Variants in ZNF516 observed in about 807,000 individuals in gnomAD.
ZNF516 encodes zinc finger protein 516.
In ZNF516, 19 loss-of-function variants were observed where a neutral mutation model predicts 79.7. The observed-to-expected ratio is 0.24, with a 90% CI of 0.17 to 0.35. The LOEUF (loss-of-function observed/expected upper bound fraction) is 0.35. Among genes scored for constraint, ZNF516 ranks in the 10% least tolerant of loss-of-function variants. The pLI, the probability that ZNF516 is intolerant of heterozygous loss-of-function variation, is 1.00. For missense variants in ZNF516, 1,678 were observed against 1,679.5 expected (o/e 1.00, Z 0.02); for synonymous variants, 877 against 739.5 (o/e 1.19, Z -3.02).
chr18:76,451,314 G>A lies in ZNF516; in HGVS notation c.-157-8103C>T, dbSNP rs945013253. On this transcript the variant is annotated intron_variant, in intron 2 of 6. Coordinates refer to ENST00000443185, the MANE Select transcript of ZNF516 (RefSeq NM_014643.4). This position sits in a 1 kb window ranked among gnomAD's most constrained non-coding sequence, Gnocchi z 6.0. ...CTCTCTGACCACCTTCCGGGGGCGG[G>A]GGGGGCACCGATGTCAGCCCGGGAT... is the stretch of plus-strand genomic sequence containing the variant. Among the ~76,000 whole-genome samples, 1 of 152,216 alleles carries A rather than the reference G, an allele frequency of 6.6e-6. No homozygotes were observed. Among genetic ancestry groups the A allele is most frequent in the Non-Finnish European group, 1.5e-5 (1 of 68,030 alleles).
chr18:76,427,661 C>A (rs1290176373), intron 3 of ZNF516, among the ~76,000 whole-genome samples: 28 of 152,080 alleles, frequency 1.8e-4, no homozygotes, highest in Admixed American at 1.8e-3. Flanking sequence ...AGAACCTCTA[C>A]AATAAAAGAC....
At chr18:76,363,124 G>A (rs562538743) in intron 6 of ZNF516, among the ~76,000 whole-genome samples, 3 of 152,180 alleles carry the variant, frequency 2.0e-5, no homozygotes, top group Admixed American at 6.5e-5. Context: ...AGTGAACTGC[G>A]AGAGAAAACC....
chr18:76,423,162 T>C (rs1294045309), intron 3 of ZNF516, among the ~76,000 whole-genome samples: 1 of 152,144 alleles, frequency 6.6e-6, no homozygotes, highest in Non-Finnish European at 1.5e-5. Flanking sequence ...TTACACGCAT[T>C]CTTTACAAGG....
intron 2 of ZNF516, among the ~76,000 whole-genome samples, chr18:76,461,362 T>C (rs1364208533): frequency 6.6e-6 from 1 of 152,142 alleles, no homozygotes; most frequent in South Asian, 2.1e-4. Flanking sequence ...GAAAAACATG[T>C]TGGCTTCCTC....
intron 2 of ZNF516, among the ~76,000 whole-genome samples, chr18:76,454,638 A>C (rs1471109181): frequency 6.6e-6 from 1 of 152,222 alleles, no homozygotes; most frequent in African/African-American, 2.4e-5. Flanking sequence ...TTCCTGACAA[A>C]AACATGATGT....
At chr18:76,489,754 CAAAGTT>C (rs1915052321) in intron 1 of ZNF516, among the ~76,000 whole-genome samples, 1 of 152,032 alleles carries the variant, frequency 6.6e-6, no homozygotes, top group South Asian at 2.1e-4. Context: ...ACACATTTCT[CAAAGTT>C]AAAGTTCTTG....
intron 2 of ZNF516, among the ~76,000 whole-genome samples, chr18:76,447,401 G>C (rs1375591092): frequency 6.6e-6 from 1 of 152,238 alleles, no homozygotes; most frequent in Admixed American, 6.5e-5. Context: ...GCAGCGCCGT[G>C]TGATAAAGTG....
intron 3 of ZNF516, among the ~76,000 whole-genome samples, chr18:76,421,277 C>A (rs985079838): frequency 6.6e-5 from 10 of 152,198 alleles, no homozygotes; most frequent in African/African-American, 2.2e-4. Flanking sequence ...AAGTCATAAA[C>A]CTCCCAAGAG....
rs567929548 is a variant in ZNF516, at chr18:76,382,481, T to C, written c.1811-2178A>G. 2.0e-4 allele frequency among the ~76,000 whole-genome samples: 30 copies of C among 152,308 alleles called. 1 individual carries two copies. In the South Asian group the frequency reaches 6.0e-3, roughly 31 times the overall value. On this transcript the variant is annotated intron_variant, in intron 3 of 6. Transcript: ENST00000443185. Reference sequence around the variant, plus strand: ...TCTGTCAGTGTAAACAATGCGGCTGTGTCATCGGCCCCTGTACATCTGTGG... The same window carrying C: ...TCTGTCAGTGTAAACAATGCGGCTGCGTCATCGGCCCCTGTACATCTGTGG...
At chr18:76,403,338 G>A (rs557398184) in intron 3 of ZNF516, among the ~76,000 whole-genome samples, 10 of 152,248 alleles carry the variant, frequency 6.6e-5, no homozygotes, top group African/African-American at 1.9e-4. Context: ...ACACAGGCAC[G>A]CTGCAACGCA....
chr18:76,469,627 A>G (rs954035386), intron 1 of ZNF516, among the ~76,000 whole-genome samples: 1 of 152,152 alleles, frequency 6.6e-6, no homozygotes, highest in Non-Finnish European at 1.5e-5. Flanking sequence ...AAAGTTTAAT[A>G]TTTTTAAAAA....
chr18:76,436,740 C>A (rs1444135616), intron 3 of ZNF516, among the ~76,000 whole-genome samples: 1 of 152,070 alleles, frequency 6.6e-6, no homozygotes, highest in African/African-American at 2.4e-5. Flanking sequence ...CTTCCGCTGG[C>A]CAAATTCACC....
intron 3 of ZNF516, chr18:76,385,538 C>A (rs553599624): frequency 6.6e-6 from 1 of 152,264 alleles, no homozygotes; most frequent in African/African-American, 2.4e-5. Flanking sequence ...TCCCCTTCCG[C>A]GCTTACGGCT....
At position 76,404,233 on chromosome 18, in the gene ZNF516, A is replaced by AG. The variant is rs530653714; in HGVS notation, c.1811-23931dup. Among the ~76,000 whole-genome samples, 27 of 152,366 alleles carry AG rather than the reference A, an allele frequency of 1.8e-4. No individual in the cohort carries two copies. The East Asian group carries it at 4.2e-3, about 24-fold the overall frequency. ...GCCCTCTTCCATGAACCCCAGAGCC[A>AG]GGGGGGTCCCCAAGGACCTCACATG... is the stretch of plus-strand genomic sequence containing the variant. On this transcript the variant is annotated intron_variant, in intron 3 of 6. Coordinates refer to ENST00000443185, the MANE Select transcript of ZNF516 (RefSeq NM_014643.4).
intron 1 of ZNF516, among the ~76,000 whole-genome samples, chr18:76,476,232 A>G (rs1914165312): frequency 1.3e-5 from 2 of 152,252 alleles, no homozygotes; most frequent in Non-Finnish European, 2.9e-5. Flanking sequence ...TTCCACAACC[A>G]TCATCTCCTT....
At position 76,441,757 on chromosome 18, in the gene ZNF516, TACTCGGCCG is replaced by T. The variant is rs1911664960; in HGVS notation, c.1289_1297del (p.Pro430_Tyr433delinsHis). The T allele has an allele frequency of 1.9e-6, 3 of 1,569,256 alleles. No homozygotes were observed. The South Asian group carries it at 3.5e-5, about 18-fold the overall frequency. The stretch of plus-strand genomic sequence containing the variant: ...CTCGTCCCAGGCCCCGTACTTGAGG[TACTCGGCCG>T]GCTCGGCCACCTTACCCCGCGTGGC... On this transcript the variant is annotated inframe_deletion, in exon 3 of 7. Coordinates refer to ENST00000443185, the MANE Select transcript of ZNF516 (RefSeq NM_014643.4).
chr18:76,405,866 G>A (rs564616224), intron 3 of ZNF516, among the ~76,000 whole-genome samples: 15 of 152,012 alleles, frequency 9.9e-5, no homozygotes, highest in African/African-American at 2.7e-4. Flanking sequence ...GAATCCCGCC[G>A]CCCCGTCCCA....
chr18:76,491,154 T>G, intron 1 of ZNF516: 1 of 943,402 alleles, frequency 1.1e-6, no homozygotes, highest in Non-Finnish European at 1.3e-6. Flanking sequence ...TAGAAACCAA[T>G]TACCTGGGCT....
At chr18:76,496,236 G>C, upstream of ZNF516, 1 of 1,254,882 alleles carries the variant, frequency 8.0e-7, no homozygotes, top group Non-Finnish European at 1.0e-6. Context: ...TAGACCCGGG[G>C]AGCTGCGGCC....
Sources: allele counts gnomAD v4.1 joint callset (sites outside exome capture counted in the v4.1 genomes callset), GRCh38; gene constraint gnomAD v4.1.1; non-coding constraint Gnocchi (gnomAD v3.1); transcripts MANE v1.5; gene names NCBI Gene and HGNC (gene_info 2026-07-23, HGNC 2026-07-21).